Variants in NLGN1 observed in about 807,000 individuals in gnomAD.
The protein encoded by NLGN1 is neuroligin 1.
NLGN1 carries 12 observed loss-of-function variants against 65.5 expected under a neutral mutation model. The ratio of observed to expected loss-of-function variants is 0.18; its 90% CI spans 0.12 to 0.30. The LOEUF (loss-of-function observed/expected upper bound fraction) is 0.30. Among genes scored for constraint, NLGN1 ranks in the 10% least tolerant of loss-of-function variants. The probability of loss-of-function intolerance (pLI) is 1.00; values close to 1 mark genes in which losing one functional copy is unlikely to be tolerated. For missense variants in NLGN1, 750 were observed against 1,007.1 expected (o/e 0.74, Z 3.46); for synonymous variants, 350 against 359.5 (o/e 0.97, Z 0.30).
chr3:174,129,585 G>T (rs1328468532), intron 4 of NLGN1, among the ~76,000 whole-genome samples: 1 of 152,096 alleles, frequency 6.6e-6, no homozygotes, highest in East Asian at 1.9e-4. Context: ...TTTTTTGAGG[G>T]CGTTGACTTT....
chr3:173,406,775 G>A (rs1250989649), intron 1 of NLGN1, among the ~76,000 whole-genome samples: 1 of 151,710 alleles, frequency 6.6e-6, no homozygotes, highest in East Asian at 1.9e-4. Flanking sequence ...ACTTTTTGAT[G>A]AATAACAAGT....
chr3:173,946,360 T>C (rs905842918), intron 4 of NLGN1, among the ~76,000 whole-genome samples: 1 of 152,162 alleles, frequency 6.6e-6, no homozygotes, highest in Non-Finnish European at 1.5e-5. Context: ...GTTTTCTTCA[T>C]AGGAAGGTTG....
At chr3:174,189,878 T>A (rs983438358) in intron 4 of NLGN1, among the ~76,000 whole-genome samples, 1 of 152,046 alleles carries the variant, frequency 6.6e-6, no homozygotes, top group African/African-American at 2.4e-5. Context: ...GAAGTGAGAA[T>A]AAGGAAATTG....
chr3:173,820,434 A>G (rs1164443086), intron 4 of NLGN1, among the ~76,000 whole-genome samples: 1 of 152,184 alleles, frequency 6.6e-6, no homozygotes, highest in Non-Finnish European at 1.5e-5. Context: ...ACATGAAAAT[A>G]GTGTTGAAAT....
chr3:173,637,829 TA>T, intron 3 of NLGN1, among the ~76,000 whole-genome samples: 1 of 152,318 alleles, frequency 6.6e-6, no homozygotes. Flanking sequence ...ATAGGTTACA[TA>T]GGATATAAAC....
chr3:174,085,773 G>A (rs1000160077), intron 4 of NLGN1, among the ~76,000 whole-genome samples: 4 of 151,906 alleles, frequency 2.6e-5, no homozygotes, highest in Non-Finnish European at 5.9e-5. Flanking sequence ...GTTGTCTGTT[G>A]GCAGCAAAAA....
intron 4 of NLGN1, among the ~76,000 whole-genome samples, chr3:174,230,742 G>A (rs1740552302): frequency 6.6e-6 from 1 of 151,998 alleles, no homozygotes; most frequent in Admixed American, 6.6e-5. Context: ...AGGCCAGCCT[G>A]AGAAACATAG....
intron 4 of NLGN1, among the ~76,000 whole-genome samples, chr3:174,092,654 ATTTTAC>A (rs997876417): frequency 3.9e-5 from 6 of 151,992 alleles, no homozygotes; most frequent in African/African-American, 1.4e-4. Flanking sequence ...TATTATTATT[ATTTTAC>A]TTCAGCAGGG....
intron 3 of NLGN1, among the ~76,000 whole-genome samples, chr3:173,770,692 T>C (rs1779448613): frequency 6.6e-6 from 1 of 152,126 alleles, no homozygotes; most frequent in East Asian, 1.9e-4. Flanking sequence ...AAAATACAAT[T>C]TCAGATCAAT....
intron 2 of NLGN1, among the ~76,000 whole-genome samples, chr3:173,578,464 A>G (rs748228031): frequency 2.0e-5 from 3 of 152,162 alleles, no homozygotes; most frequent in African/African-American, 7.2e-5. Flanking sequence ...TGAGATGTCA[A>G]TACCACTGGG....
At chr3:173,975,511 T>G (rs895405047) in intron 4 of NLGN1, among the ~76,000 whole-genome samples, 1 of 152,010 alleles carries the variant, frequency 6.6e-6, no homozygotes, top group African/African-American at 2.4e-5. Flanking sequence ...GGTGAATACC[T>G]TAATACTAAA....
At chr3:173,947,059 ATTTTTTTTTTT>A (rs63224363) in intron 4 of NLGN1, among the ~76,000 whole-genome samples, 1 of 134,958 alleles carries the variant, frequency 7.4e-6, no homozygotes, top group African/African-American at 2.8e-5. Flanking sequence ...AGTTGTTAGG[ATTTTTTTTTTT>A]TTTTTTTTGA....
chr3:173,786,124 C>T (rs1484111832), intron 3 of NLGN1, among the ~76,000 whole-genome samples: 3 of 152,038 alleles, frequency 2.0e-5, no homozygotes, highest in South Asian at 4.1e-4. Context: ...AATAAGCTCC[C>T]TAGGTATTTT....
chr3:173,666,916 G>T (rs188662861), intron 3 of NLGN1, among the ~76,000 whole-genome samples: 34 of 152,120 alleles, frequency 2.2e-4, no homozygotes, highest in African/African-American at 8.0e-4. Flanking sequence ...CACATAAAAA[G>T]AAAATGTTAA....
At chr3:173,800,966 C>T (rs1715352620) in intron 3 of NLGN1, among the ~76,000 whole-genome samples, 1 of 151,908 alleles carries the variant, frequency 6.6e-6, no homozygotes, top group African/African-American at 2.4e-5. Flanking sequence ...CTGTAGTAAA[C>T]ATTGTACAAC....
At chr3:173,746,075 T>C (rs1239627286) in intron 3 of NLGN1, among the ~76,000 whole-genome samples, 1 of 152,016 alleles carries the variant, frequency 6.6e-6, no homozygotes, top group Non-Finnish European at 1.5e-5. Context: ...TCTCTCAGGA[T>C]TGACAGCTTG....
chr3:173,926,610 C>G (rs1390082217), intron 4 of NLGN1, among the ~76,000 whole-genome samples: 1 of 152,148 alleles, frequency 6.6e-6, no homozygotes, highest in African/African-American at 2.4e-5. Context: ...TAGGCAAGAG[C>G]ACAGTGAATC....
chr3:174,277,945 CTA>C (rs1026724690), intron 5 of NLGN1, among the ~76,000 whole-genome samples: 1 of 151,706 alleles, frequency 6.6e-6, no homozygotes, highest in African/African-American at 2.4e-5. Context: ...AGAAAATAAA[CTA>C]TATTTTTAAA....
chr3:173,445,130 T>TAGTGGCGGGCGC (rs1719953998), intron 2 of NLGN1, among the ~76,000 whole-genome samples: 2 of 150,178 alleles, frequency 1.3e-5, no homozygotes, highest in East Asian at 2.0e-4. Flanking sequence ...TAGCCGGGCG[T>TAGTGGCGGGCGC]AGTGGCGGGC....
Sources: allele counts gnomAD v4.1 joint callset (sites outside exome capture counted in the v4.1 genomes callset), GRCh38; gene constraint gnomAD v4.1.1; transcripts MANE v1.5; gene names NCBI Gene and HGNC (gene_info 2026-07-23, HGNC 2026-07-21).